Variants in KIAA1958 observed in about 807,000 individuals in gnomAD.
KIAA1958 encodes uncharacterized protein KIAA1958.
In KIAA1958, 14 loss-of-function variants were observed where a neutral mutation model predicts 47.2. That is an observed-to-expected ratio of 0.30 (90% CI 0.20 to 0.46). The LOEUF is 0.46. KIAA1958 is among the 20% of genes least tolerant of loss of function. KIAA1958 has a pLI of 1.00. For synonymous variants in KIAA1958, 354 were observed against 353.3 expected (o/e 1.00, Z -0.02); for missense variants, 803 against 909.2 (o/e 0.88, Z 1.50).
chr9:112,499,784 G>T (rs1834103447), intron 1 of KIAA1958, among the ~76,000 whole-genome samples: 2 of 150,410 alleles, frequency 1.3e-5, no homozygotes, highest in Admixed American at 1.3e-4. Context: ...CGCCTCCCAG[G>T]TTCGTGCCAT....
At chr9:112,518,245 A>G (rs905196273) in intron 1 of KIAA1958, among the ~76,000 whole-genome samples, 1 of 152,232 alleles carries the variant, frequency 6.6e-6, no homozygotes, top group African/African-American at 2.4e-5. Flanking sequence ...GAAAGCATGT[A>G]TATGTATGAA....
chr9:112,574,718 T>A lies in KIAA1958; in HGVS notation c.638T>A (p.Ile213Asn). The A allele has an allele frequency of 6.2e-7, 1 of 1,614,170 alleles. No individual in the cohort carries two copies. The highest frequency in any genetic ancestry group is 8.5e-7 in the Non-Finnish European group (1 of 1,180,032). ...CAAGAAATCCCCGAAGATTATTACA[T>A]TGTGGCAAATGCAGAACTGACAGGA... Reference protein sequence around the residue: ...IKQEIPEDYYIVANAELTGGV... With the variant: ...IKQEIPEDYYNVANAELTGGV... Residue 213 changes from isoleucine to asparagine, a missense_variant, in exon 2 of 4, where the codon ATT (isoleucine) becomes AAT (asparagine). Around this residue, in one of 2 missense-constraint regions of KIAA1958, gnomAD observed 761 missense variants for 829.3 expected, o/e 0.92. Coordinates refer to ENST00000337530, the MANE Select transcript of KIAA1958 (RefSeq NM_133465.4).
At chr9:112,546,637 A>G (rs1010546541) in intron 1 of KIAA1958, among the ~76,000 whole-genome samples, 1 of 152,092 alleles carries the variant, frequency 6.6e-6, no homozygotes, top group African/African-American at 2.4e-5. Flanking sequence ...CTGAACTCCA[A>G]TTTTGAGGTT....
chr9:112,620,049 A>G (rs1264919278), intron 2 of KIAA1958, among the ~76,000 whole-genome samples: 1 of 152,186 alleles, frequency 6.6e-6, no homozygotes, highest in Admixed American at 6.5e-5. Flanking sequence ...ATTCTTGAAA[A>G]TGTGCGAGAT....
At chr9:112,617,635 A>G (rs1280770873) in intron 2 of KIAA1958, among the ~76,000 whole-genome samples, 1 of 152,192 alleles carries the variant, frequency 6.6e-6, no homozygotes, top group African/African-American at 2.4e-5. Flanking sequence ...TGCCCGTGAC[A>G]TAGGAAGCTC....
intron 2 of KIAA1958, among the ~76,000 whole-genome samples, chr9:112,592,705 A>G (rs1194019876): frequency 6.6e-6 from 1 of 152,236 alleles, no homozygotes; most frequent in Non-Finnish European, 1.5e-5. Flanking sequence ...AATAAGTAAG[A>G]TAACACCTTA....
At chr9:112,640,031 T>C (rs948073245) in intron 2 of KIAA1958, among the ~76,000 whole-genome samples, 1 of 152,268 alleles carries the variant, frequency 6.6e-6, no homozygotes. Context: ...CCATGTTATC[T>C]GTAGGCCTAT....
intron 3 of KIAA1958, among the ~76,000 whole-genome samples, chr9:112,648,211 C>T (rs574308630): frequency 9.9e-5 from 15 of 152,274 alleles, no homozygotes; most frequent in Admixed American, 9.2e-4. Context: ...CAAGGTAATA[C>T]CTGTGACTGC....
intron 1 of KIAA1958, among the ~76,000 whole-genome samples, chr9:112,507,130 C>A (rs1204979031): frequency 7.9e-5 from 3 of 37,888 alleles, no homozygotes; most frequent in Non-Finnish European, 1.4e-4. Context: ...TTTACAGAGA[C>A]CCTGATAAAG....
At chr9:112,521,678 T>C (rs1375427375) in intron 1 of KIAA1958, among the ~76,000 whole-genome samples, 1 of 152,196 alleles carries the variant, frequency 6.6e-6, no homozygotes, top group Non-Finnish European at 1.5e-5. Context: ...ATGATAACTT[T>C]TGAGAAATGT....
Position 112,509,452 on chromosome 9 carries a change from C to T in KIAA1958, c.-25+22334C>T, listed in dbSNP as rs190875939. Among the ~76,000 whole-genome samples, 616 of 150,890 alleles carry T rather than the reference C, an allele frequency of 4.1e-3. 5 individuals carry two copies. The highest frequency in any genetic ancestry group is 0.014 in the African/African-American group (581 of 41,070). On this transcript the variant is annotated intron_variant, in intron 1 of 3. Coordinates refer to ENST00000337530, the MANE Select transcript of KIAA1958 (RefSeq NM_133465.4). Reference sequence around the variant, plus strand: ...CTGACCTCAGGTGATCCACCCTCCTCGGCCTCCCGCCAGGCCCATTCTTAA... The same window carrying T: ...CTGACCTCAGGTGATCCACCCTCCTTGGCCTCCCGCCAGGCCCATTCTTAA...
rs1189500602 is a variant in KIAA1958 at position 112,511,570 on chromosome 9, G to A, written c.-25+24452G>A. Among the ~76,000 whole-genome samples the A allele has an allele frequency of 3.9e-5, 6 of 152,294 alleles. No homozygotes were observed. The South Asian group carries it at 6.2e-4, about 16-fold the overall frequency. ...AAATTTGTGGGATATAGCTAAAGTA[G>A]TACTTTGGGGAAAACTATAGCAAAT... is the stretch of plus-strand genomic sequence containing the variant. On this transcript the variant is annotated intron_variant, in intron 1 of 3. Coordinates refer to ENST00000337530, the MANE Select transcript of KIAA1958 (RefSeq NM_133465.4).
intron 2 of KIAA1958, among the ~76,000 whole-genome samples, chr9:112,605,704 T>G (rs1836220882): frequency 6.6e-6 from 1 of 152,184 alleles, no homozygotes; most frequent in Admixed American, 6.5e-5. Context: ...CCAGGCACAG[T>G]GATACTCTTT....
At chr9:112,621,199 C>T (rs1401410534) in intron 2 of KIAA1958, among the ~76,000 whole-genome samples, 2 of 152,170 alleles carry the variant, frequency 1.3e-5, no homozygotes, top group East Asian at 3.8e-4. Context: ...ATGGTGGCAG[C>T]ATGTCCTCTA....
intron 2 of KIAA1958, among the ~76,000 whole-genome samples, chr9:112,591,472 A>G (rs1835919700): frequency 6.6e-6 from 1 of 152,184 alleles, no homozygotes; most frequent in Non-Finnish European, 1.5e-5. Context: ...TTGCTATTAT[A>G]TATTTAAAAC....
At position 112,550,672 on chromosome 9, in the gene KIAA1958, T is replaced by G. The variant is rs2132837662; in HGVS notation, c.-24-23385T>G. Reference sequence around the variant, plus strand: ...GGTAGGCCCTCCCAGTTGAATCACATGAGGAATGTCTCCCAACGACAATGC... The same window carrying G: ...GGTAGGCCCTCCCAGTTGAATCACAGGAGGAATGTCTCCCAACGACAATGC... On this transcript the variant is annotated intron_variant, in intron 1 of 3. Coordinates refer to ENST00000337530, the MANE Select transcript of KIAA1958 (RefSeq NM_133465.4). 1.3e-5 allele frequency among the ~76,000 whole-genome samples: 2 copies of G among 152,294 alleles called. 1 individual carries two copies. The highest frequency in any genetic ancestry group is 4.1e-4 in the South Asian group (2 of 4,820).
At chr9:112,620,021 T>C (rs1836473371) in intron 2 of KIAA1958, among the ~76,000 whole-genome samples, 1 of 152,198 alleles carries the variant, frequency 6.6e-6, no homozygotes, top group African/African-American at 2.4e-5. Flanking sequence ...TGTTACCAGA[T>C]TTTGCTGAAT....
chr9:112,496,817 G>T (rs1351769878), intron 1 of KIAA1958, among the ~76,000 whole-genome samples: 1 of 152,090 alleles, frequency 6.6e-6, no homozygotes, highest in Non-Finnish European at 1.5e-5. Flanking sequence ...CTCTCTTTTT[G>T]ATGGTAATTT....
intron 1 of KIAA1958, among the ~76,000 whole-genome samples, chr9:112,517,372 A>T (rs1006462425): frequency 2.6e-5 from 4 of 152,062 alleles, no homozygotes; most frequent in Admixed American, 6.6e-5. Flanking sequence ...TTTTTGAAAA[A>T]TTTTTTTTCA....
Sources: gnomAD v4.1 joint callset for allele counts (sites outside exome capture counted in the v4.1 genomes callset) on GRCh38, gnomAD v4.1.1 for gene constraint, gnomAD v4.1.1 regional missense constraint, MANE v1.5 for transcripts, NCBI Gene and HGNC (gene_info 2026-07-23, HGNC 2026-07-21) for gene names.